CDH12: variants seen among roughly 807,000 people sequenced by gnomAD.
The protein encoded by CDH12 is cadherin 12, also known as cadherin-12.
Under a neutral mutation model 74.1 loss-of-function variants are expected in CDH12, and 41 were observed. That is an observed-to-expected ratio of 0.55 (90% confidence interval 0.43 to 0.72). The LOEUF (loss-of-function observed/expected upper bound fraction) is 0.72. CDH12 is among the 30% of genes least tolerant of loss of function. The pLI is 0.00. For synonymous variants in CDH12, 399 were observed against 355.0 expected (o/e 1.12, Z -1.39); for missense variants, 945 against 977.2 (o/e 0.97, Z 0.44).
At chr5:22,614,490 A>G (rs1282804426) in intron 1 of CDH12, among the ~76,000 whole-genome samples, 8 of 32,786 alleles carry the variant, frequency 2.4e-4, no homozygotes, top group Non-Finnish European at 3.0e-4. Flanking sequence ...CAGGATTGCA[A>G]TGGTCGTAAG....
chr5:22,258,530 T>C (rs955825261), intron 3 of CDH12, among the ~76,000 whole-genome samples: 4 of 151,954 alleles, frequency 2.6e-5, no homozygotes, highest in African/African-American at 7.3e-5. Context: ...TGCTCTGTTT[T>C]CATAAAATGT....
At chr5:22,836,460 ACCT>A (rs1289627822) in intron 1 of CDH12, among the ~76,000 whole-genome samples, 1 of 150,616 alleles carries the variant, frequency 6.6e-6, no homozygotes, top group Non-Finnish European at 1.5e-5. Flanking sequence ...CAAACTCCTG[ACCT>A]CCTGATCCAC....
intron 5 of CDH12, among the ~76,000 whole-genome samples, chr5:21,984,348 A>G (rs921287192): frequency 6.6e-6 from 1 of 152,146 alleles, no homozygotes; most frequent in African/African-American, 2.4e-5. Context: ...TAATGCCTAT[A>G]TTTTATGCAT....
chr5:22,779,333 G>C (rs558628667), intron 1 of CDH12, among the ~76,000 whole-genome samples: 1 of 151,346 alleles, frequency 6.6e-6, no homozygotes, highest in African/African-American at 2.4e-5. Context: ...TTTCACAAAG[G>C]ACATTTTTTA....
intron 1 of CDH12, among the ~76,000 whole-genome samples, chr5:22,758,819 CGGCAT>C (rs1746063906): frequency 6.6e-6 from 1 of 152,034 alleles, no homozygotes; most frequent in Admixed American, 6.6e-5. Context: ...ATGAGAAAAG[CGGCAT>C]GGCTCAAATA....
At chr5:22,066,377 G>C (rs555911493) in intron 5 of CDH12, among the ~76,000 whole-genome samples, 82 of 152,118 alleles carry the variant, frequency 5.4e-4, no homozygotes, top group Non-Finnish European at 9.7e-4. Flanking sequence ...TGTACTTTGG[G>C]GAAAAGAAAA....
rs913185475 is a variant in CDH12 at position 21,792,246 on chromosome 5, G to A, written c.1257-8752C>T. Among the ~76,000 whole-genome samples, 9 of 151,576 alleles carry A rather than the reference G, an allele frequency of 5.9e-5. 1 individual carries two copies. Among genetic ancestry groups the A allele is most frequent in the East Asian group, 1.9e-4 (1 of 5,182 alleles). ...CCATCAGCAATCACAAATAAATCCC[G>A]CTATGTTCCTCTCAAACTTTTTAAA... On this transcript the variant is annotated intron_variant, in intron 10 of 14. Coordinates refer to ENST00000382254, the MANE Select transcript of CDH12 (RefSeq NM_004061.5).
chr5:22,674,096 C>T (rs1371940624), intron 1 of CDH12, among the ~76,000 whole-genome samples: 1 of 152,132 alleles, frequency 6.6e-6, no homozygotes, highest in African/African-American at 2.4e-5. Context: ...CACAGAGGCC[C>T]TTATCTGTAG....
chr5:22,327,069 T>C (rs1334934833), intron 3 of CDH12, among the ~76,000 whole-genome samples: 1 of 152,158 alleles, frequency 6.6e-6, no homozygotes, highest in Non-Finnish European at 1.5e-5. Flanking sequence ...TTCTCATTTG[T>C]TTGGAAGGAC....
chr5:22,445,024 T>C (rs1283151293), intron 2 of CDH12, among the ~76,000 whole-genome samples: 1 of 152,108 alleles, frequency 6.6e-6, no homozygotes, highest in Non-Finnish European at 1.5e-5. Flanking sequence ...TTAGAGAACT[T>C]ACAGTTTCTA....
chr5:21,803,803 G>A (rs1269683349), intron 9 of CDH12, among the ~76,000 whole-genome samples: 1 of 152,000 alleles, frequency 6.6e-6, no homozygotes, highest in Non-Finnish European at 1.5e-5. Context: ...TTCCTTTACT[G>A]TAGTACACCT....
intron 1 of CDH12, among the ~76,000 whole-genome samples, chr5:22,696,370 CA>C (rs1313736569): frequency 0.012 from 1,190 of 96,490 alleles, 2 homozygotes; most frequent in Non-Finnish European, 0.016. Flanking sequence ...GACTCCGTCT[CA>C]AAAAAAAAAA....
At chr5:21,913,298 GT>G (rs200347682) in intron 6 of CDH12, among the ~76,000 whole-genome samples, 2,177 of 152,182 alleles carry the variant, frequency 0.014, 57 homozygotes, top group African/African-American at 0.048. Flanking sequence ...TGTATTCTGA[GT>G]CCCCACATAT....
rs147517824 is a variant in CDH12 at position 21,926,565 on chromosome 5, A to G, written c.526+48526T>C. Among the ~76,000 whole-genome samples the G allele has an allele frequency of 7.9e-3, 1,210 of 152,336 alleles. 19 individuals carry two copies. The highest frequency in any genetic ancestry group is 0.027 in the African/African-American group (1,143 of 41,578). ...ATGTGCCAGCCTTATGGCTTGAGAA[A>G]GAGTGGAATAAACTCTTGAGAACAG... On this transcript the variant is annotated intron_variant, in intron 6 of 14. Transcript: ENST00000382254.
In CDH12 at chr5:22,641,398, T is replaced by G. The variant is rs1242767735; in HGVS notation, c.-522-136034A>C. On this transcript the variant is annotated intron_variant, in intron 1 of 14. Transcript: ENST00000382254. The stretch of plus-strand genomic sequence containing the variant: ...GAGAGGAAATCACATTTTCTCTGCC[T>G]TTTTTGTCTATTTGGGGCCCCAAGT... Among the ~76,000 whole-genome samples, 3 of 152,154 alleles carry G rather than the reference T, an allele frequency of 2.0e-5. No homozygotes were observed. The East Asian group carries it at 5.8e-4, about 29-fold the overall frequency.
At chr5:22,375,722 G>A (rs914736231) in intron 3 of CDH12, among the ~76,000 whole-genome samples, 9 of 151,958 alleles carry the variant, frequency 5.9e-5, no homozygotes, top group Admixed American at 3.9e-4. Context: ...TCAGGGAAAT[G>A]CGACTCAAAA....
chr5:22,393,266 G>T (rs941957509), intron 3 of CDH12, among the ~76,000 whole-genome samples: 2 of 152,080 alleles, frequency 1.3e-5, no homozygotes, highest in Admixed American at 6.6e-5. Context: ...AAAAGGAAAC[G>T]TTAGAGTGAA....
chr5:22,714,430 C>A (rs773591844), intron 1 of CDH12, among the ~76,000 whole-genome samples: 1 of 152,060 alleles, frequency 6.6e-6, no homozygotes, highest in African/African-American at 2.4e-5. Context: ...CCTCTTTCAG[C>A]GATTACTGGC....
intron 1 of CDH12, among the ~76,000 whole-genome samples, chr5:22,525,533 G>A (rs979380704): frequency 1.3e-5 from 2 of 151,450 alleles, no homozygotes; most frequent in Non-Finnish European, 2.9e-5. Flanking sequence ...AAGAAGGGAG[G>A]GAGAGAGGGA....
Sources: gnomAD v4.1 joint callset for allele counts (sites outside exome capture counted in the v4.1 genomes callset) on GRCh38, gnomAD v4.1.1 for gene constraint, MANE v1.5 for transcripts, NCBI Gene and HGNC (gene_info 2026-07-23, HGNC 2026-07-21) for gene names.